Variants in PLEKHG1 observed in about 807,000 individuals in gnomAD.
PLEKHG1 encodes the protein pleckstrin homology domain-containing family G member 1.
A neutral mutation model predicts 100.8 loss-of-function variants in PLEKHG1; 44 were observed. The ratio of observed to expected loss-of-function variants is 0.44; its 90% CI spans 0.34 to 0.56. The LOEUF (loss-of-function observed/expected upper bound fraction) is 0.56. Ranked by LOEUF, PLEKHG1 falls within the 20% of genes least tolerant of loss-of-function variation. PLEKHG1 has a pLI of 0.01. For synonymous variants in PLEKHG1, 640 were observed against 662.5 expected (o/e 0.97, Z 0.52); for missense variants, 1,545 against 1,720.9 (o/e 0.90, Z 1.81).
At chr6:150,613,994 T>C (rs1017597322) in intron 1 of PLEKHG1, among the ~76,000 whole-genome samples, 1 of 152,232 alleles carries the variant, frequency 6.6e-6, no homozygotes, top group African/African-American at 2.4e-5. Flanking sequence ...GTCTATTTTG[T>C]TCACTACCAC....
intron 2 of PLEKHG1, among the ~76,000 whole-genome samples, chr6:150,749,641 G>A (rs1272838300): frequency 6.6e-6 from 1 of 152,166 alleles, no homozygotes; most frequent in African/African-American, 2.4e-5. Flanking sequence ...GCCACCTCCT[G>A]TTCTAAAGTA....
At chr6:150,647,377 C>T (rs1778549011) in intron 2 of PLEKHG1, among the ~76,000 whole-genome samples, 1 of 152,114 alleles carries the variant, frequency 6.6e-6, no homozygotes, top group Non-Finnish European at 1.5e-5. Context: ...AGTCTGTTGT[C>T]TAAAATTAAA....
At chr6:150,634,674 A>C (rs1003433099) in intron 1 of PLEKHG1, among the ~76,000 whole-genome samples, 8 of 152,260 alleles carry the variant, frequency 5.3e-5, no homozygotes, top group African/African-American at 1.9e-4. Context: ...GGAAAAATTT[A>C]ATTTTCAATT....
chr6:150,701,489 T>C (rs1780789332), intron 3 of PLEKHG1, among the ~76,000 whole-genome samples: 1 of 128,488 alleles, frequency 7.8e-6, no homozygotes, highest in Admixed American at 8.4e-5. Context: ...AGTTCTAGGG[T>C]ACATGTGCAC....
intron 1 of PLEKHG1, among the ~76,000 whole-genome samples, chr6:150,622,179 A>C (rs1253257411): frequency 6.6e-6 from 1 of 152,150 alleles, no homozygotes; most frequent in Non-Finnish European, 1.5e-5. Context: ...GATGTATATA[A>C]TTTTGTTAAG....
intron 3 of PLEKHG1, among the ~76,000 whole-genome samples, chr6:150,690,952 G>A (rs559512294): frequency 5.9e-5 from 9 of 152,258 alleles, no homozygotes; most frequent in Admixed American, 1.3e-4. Flanking sequence ...CGCATGCATT[G>A]TTCACTTTCC....
At chr6:150,662,504 C>T (rs1426885860) in intron 3 of PLEKHG1, 1 of 152,262 alleles carries the variant, frequency 6.6e-6, no homozygotes, top group Non-Finnish European at 1.5e-5. Context: ...CAACCTCCGC[C>T]TCCCAAGCTC....
chr6:150,706,414 G>A (rs1011243670), intron 3 of PLEKHG1, among the ~76,000 whole-genome samples: 11 of 151,670 alleles, frequency 7.3e-5, no homozygotes, highest in African/African-American at 2.7e-4. Flanking sequence ...AGGTGTTTGA[G>A]ACCAGCTGGG....
chr6:150,674,669 CTCTCTCTCTCTCT>C (rs1779689869), intron 3 of PLEKHG1, among the ~76,000 whole-genome samples: 3 of 144,636 alleles, frequency 2.1e-5, no homozygotes, highest in African/African-American at 7.8e-5. Flanking sequence ...CTCTCTCTCT[CTCTCTCTCTCTCT>C]CCCCCCTCTT....
At chr6:150,800,053 G>A (rs753576758) in intron 5 of PLEKHG1, among the ~76,000 whole-genome samples, 1 of 152,178 alleles carries the variant, frequency 6.6e-6, no homozygotes, top group Non-Finnish European at 1.5e-5. Context: ...CATCTGAGGC[G>A]CACTCCGTAG....
intron 3 of PLEKHG1, among the ~76,000 whole-genome samples, chr6:150,655,728 AAAG>A (rs1288816079): frequency 5.9e-5 from 9 of 151,396 alleles, no homozygotes; most frequent in Non-Finnish European, 2.9e-5. Context: ...AAAAAAAAAA[AAAG>A]AAAATGTGAC....
intron 9 of PLEKHG1, 43 bp downstream of exon 10, chr6:150,809,519 AATG>A (rs781492144): frequency 2.0e-6 from 3 of 1,535,654 alleles, no homozygotes; most frequent in Non-Finnish European, 2.7e-6. Context: ...CCCTTTGTGT[AATG>A]ATGAGTGCTG....
chr6:150,840,461 A>T, exon 16 of PLEKHG1: 1 of 1,614,118 alleles, frequency 6.2e-7, no homozygotes, highest in Non-Finnish European at 8.5e-7. Context: ...CAGATCTCAC[A>T]CTCCAAGACT....
intron 10 of PLEKHG1, among the ~76,000 whole-genome samples, chr6:150,816,325 A>ATTTTTT (rs1562546175): frequency 3.0e-4 from 15 of 49,700 alleles, no homozygotes; most frequent in East Asian, 6.5e-4. Flanking sequence ...TCTCAAACAT[A>ATTTTTT]CTTTTTTTTT....
chr6:150,670,129 A>G (rs1049123609), intron 3 of PLEKHG1, among the ~76,000 whole-genome samples: 1 of 152,186 alleles, frequency 6.6e-6, no homozygotes, highest in Non-Finnish European at 1.5e-5. Flanking sequence ...ATGGATTTTG[A>G]TAGAAGAAAA....
intron 3 of PLEKHG1, among the ~76,000 whole-genome samples, chr6:150,653,506 A>G (rs76450322): frequency 0.03 from 4,496 of 152,150 alleles, 130 homozygotes; most frequent in African/African-American, 0.067. Flanking sequence ...ACTTTGAAAG[A>G]CCAAAGCCAG....
chr6:150,715,636 C>T (rs1166748199), intron 3 of PLEKHG1, among the ~76,000 whole-genome samples: 2 of 150,872 alleles, frequency 1.3e-5, no homozygotes, highest in Non-Finnish European at 3.0e-5. Context: ...TACAGGCATG[C>T]GCCACCACGC....
intron 1 of PLEKHG1, among the ~76,000 whole-genome samples, chr6:150,625,378 T>A (rs969665022): frequency 2.6e-5 from 4 of 152,166 alleles, no homozygotes; most frequent in Non-Finnish European, 5.9e-5. Context: ...TCTCCCTGTG[T>A]CGTTACATGG....
intron 3 of PLEKHG1, 46 bp from the exon 5 acceptor site, chr6:150,786,344 C>T (rs1209896872): frequency 1.6e-6 from 2 of 1,233,000 alleles, no homozygotes; most frequent in African/African-American, 3.0e-5. Context: ...TGTACTCACC[C>T]AGAAGACTAC....
Sources: allele counts gnomAD v4.1 joint callset (sites outside exome capture counted in the v4.1 genomes callset), GRCh38; gene constraint gnomAD v4.1.1; transcripts MANE v1.5; gene names NCBI Gene and HGNC (gene_info 2026-07-23, HGNC 2026-07-21).